The following CELF2 variants were observed in gnomAD, a reference collection of about 807,000 sequenced individuals.
CELF2 encodes the protein CUG triplet repeat RNA-binding protein 2.
A neutral mutation model predicts 62.6 loss-of-function variants in CELF2; 8 were observed. The ratio of observed to expected loss-of-function variants is 0.13; its 90% CI spans 0.07 to 0.23. CELF2 has a LOEUF of 0.23. CELF2 is among the 10% of genes least tolerant of loss of function. The pLI is 1.00. For missense variants in CELF2, 333 were observed against 671.0 expected, an observed-to-expected ratio of 0.50 and a Z score of 5.56; for synonymous variants, 258 against 250.0, an observed-to-expected ratio of 1.03 and a Z score of -0.30.
At chr10:11,089,122 C>T (rs1022305813) in intron 1 of CELF2, among the ~76,000 whole-genome samples, 2 of 152,152 alleles carry the variant, frequency 1.3e-5, no homozygotes, top group African/African-American at 4.8e-5. Context: ...TGACAAGAGT[C>T]CTAAGAGCCA....
chr10:10,623,555 AGCT>A, the CELF2 span, among the ~76,000 whole-genome samples: 7 of 152,156 alleles, frequency 4.6e-5, no homozygotes, highest in Non-Finnish European at 8.8e-5. Context: ...CTGCAGCAGG[AGCT>A]GCCATGGGGA....
chr10:11,018,152 T>G lies in CELF2; in HGVS notation c.63T>G (p.Val21=), dbSNP rs755382667. The G allele has an allele frequency of 3.3e-6, 5 of 1,523,420 alleles. No individual in the cohort carries two copies. Among genetic ancestry groups the G allele is most frequent in the Admixed American group, 2.0e-5 (1 of 49,750 alleles). The allele number at this position is 1,523,420 out of a possible 1,614,324, so 94.4% of individuals were successfully genotyped here. The change falls in exon 1 of 13, where the codon GTT becomes GTG. Residue 21 remains valine (V), a synonymous_variant. Coordinates refer to ENST00000633077, the MANE Select transcript of CELF2 (RefSeq NM_001326342.2). ...TGATGGTCGAGGGCCGCCTGCTCGT[T>G]CCTGACAGAATGTGAGTGGCGCCGC... is the stretch of plus-strand genomic sequence containing the variant. The part of the protein sequence containing the change: ...PDMMVEGRLL[V]PDRINGTANK...
intron 2 of CELF2, among the ~76,000 whole-genome samples, chr10:11,199,285 TTGCTGGTTATCTCTTAGGCC>T (rs1432842758): frequency 6.6e-6 from 1 of 152,212 alleles, no homozygotes; most frequent in African/African-American, 2.4e-5. Flanking sequence ...CCCGATTCGG[TTGCTGGTTATCTCTTAGGCC>T]TGCTTTTCCC....
At chr10:10,501,974 C>T in the CELF2 span, among the ~76,000 whole-genome samples, 1 of 152,066 alleles carries the variant, frequency 6.6e-6, no homozygotes, top group Non-Finnish European at 1.5e-5. Context: ...GAATTTCTAT[C>T]ATAAGTGATG....
chr10:10,479,327 C>A, the CELF2 span, among the ~76,000 whole-genome samples: 2 of 151,994 alleles, frequency 1.3e-5, no homozygotes, highest in Non-Finnish European at 2.9e-5. Context: ...CACCACCGTG[C>A]CCGGATAATT....
chr10:11,299,497 C>T (rs2093510211), intron 9 of CELF2, among the ~76,000 whole-genome samples: 1 of 152,120 alleles, frequency 6.6e-6, no homozygotes, highest in Non-Finnish European at 1.5e-5. Context: ...GACAGGCTGT[C>T]AGTGACATGG....
chr10:10,669,650 C>G, the CELF2 span, among the ~76,000 whole-genome samples: 2 of 152,202 alleles, frequency 1.3e-5, no homozygotes, highest in Non-Finnish European at 2.9e-5. Context: ...TGCTATCACT[C>G]CTTAAATGCA....
the CELF2 span, among the ~76,000 whole-genome samples, chr10:10,546,740 A>T: frequency 6.6e-6 from 1 of 152,136 alleles, no homozygotes. Context: ...TCTCCCAAAA[A>T]AGTCAGGGAA....
chr10:11,091,322 C>T (rs375812868), intron 1 of CELF2, among the ~76,000 whole-genome samples: 3 of 152,134 alleles, frequency 2.0e-5, no homozygotes, highest in Non-Finnish European at 2.9e-5. Flanking sequence ...AGGCTGTTCT[C>T]CCTGGGGAAC....
chr10:10,970,948 T>G (rs1412675985), intron 2 of CELF2: 3 of 152,128 alleles, frequency 2.0e-5, no homozygotes, highest in Non-Finnish European at 4.4e-5. Context: ...AATCCCATAG[T>G]CAATTAGACA....
the CELF2 span, among the ~76,000 whole-genome samples, chr10:10,542,399 T>G: frequency 6.6e-6 from 1 of 152,026 alleles, no homozygotes; most frequent in African/African-American, 2.4e-5. Context: ...TAGAAGTAAA[T>G]GAAGACCAAC....
intron 1 of CELF2, among the ~76,000 whole-genome samples, chr10:11,099,530 A>G (rs940743432): frequency 6.6e-6 from 1 of 152,170 alleles, no homozygotes; most frequent in African/African-American, 2.4e-5. Context: ...GATGGATTAA[A>G]AAGGGGACTA....
Position 11,246,475 on chromosome 10 carries a change from C to T in CELF2, c.355-2678C>T, listed in dbSNP as rs2075647569. On this transcript the variant is annotated intron_variant, in intron 3 of 12. Transcript: ENST00000633077. The surrounding 1 kb of genome is among the most constrained non-coding windows in gnomAD (Gnocchi z 4.6). ...TCACCCTATCTACTGTTACCCTCCT[C>T]CTTTCCCCTCTACTTCCCATGACCA... Among the ~76,000 whole-genome samples the T allele has an allele frequency of 6.6e-6, 1 of 152,176 alleles. No individual in the cohort carries two copies. The highest frequency in any genetic ancestry group is 1.5e-5 in the Non-Finnish European group (1 of 68,030).
the CELF2 span, among the ~76,000 whole-genome samples, chr10:10,516,130 C>G: frequency 6.6e-6 from 1 of 152,088 alleles, no homozygotes; most frequent in South Asian, 2.1e-4. Context: ...GTTGAAAAAA[C>G]AAACAAACAA....
chr10:11,055,467 T>G (rs1329299402), intron 1 of CELF2, among the ~76,000 whole-genome samples: 1 of 152,250 alleles, frequency 6.6e-6, no homozygotes, highest in Non-Finnish European at 1.5e-5. Context: ...AGTTTTAATG[T>G]GGAGACACAG....
At chr10:10,987,487 T>C (rs1364249480) in intron 2 of CELF2, among the ~76,000 whole-genome samples, 2 of 152,194 alleles carry the variant, frequency 1.3e-5, no homozygotes, top group African/African-American at 4.8e-5. Context: ...TATTGTTTGC[T>C]TTTTAACTTT....
intron 1 of CELF2, among the ~76,000 whole-genome samples, chr10:10,886,304 T>C (rs937899570): frequency 6.6e-6 from 1 of 152,182 alleles, no homozygotes; most frequent in Non-Finnish European, 1.5e-5. Context: ...ACAAAGCTAT[T>C]TGGAGAAGAC....
chr10:10,803,183 C>G (rs1268709022), intron 1 of CELF2, among the ~76,000 whole-genome samples: 2 of 152,164 alleles, frequency 1.3e-5, no homozygotes, highest in Non-Finnish European at 2.9e-5. Flanking sequence ...CTCTCTTAAA[C>G]AATTTTGCAC....
chr10:10,936,449 G>T lies in CELF2; in HGVS notation c.89+16450G>T, dbSNP rs758238224. On this transcript the variant is annotated intron_variant, in intron 2 of 13. Transcript: ENST00000636488. The surrounding 1 kb of genome is among the most constrained non-coding windows in gnomAD (Gnocchi z 4.0). ...TTTTGCATCGTCTCCTTGTTTCACA[G>T]ATGAATAGGCTGAAGATCAGACAGT... Among the ~76,000 whole-genome samples, 1 of 152,140 alleles carries T rather than the reference G, an allele frequency of 6.6e-6. No homozygotes were observed. The highest frequency in any genetic ancestry group is 2.4e-5 in the African/African-American group (1 of 41,426).
Sources: gnomAD v4.1 joint callset for allele counts (sites outside exome capture counted in the v4.1 genomes callset) on GRCh38, gnomAD v4.1.1 for gene constraint, Gnocchi (gnomAD v3.1) non-coding constraint, MANE v1.5 for transcripts, NCBI Gene and HGNC (gene_info 2026-07-23, HGNC 2026-07-21) for gene names.